The following GALNT18 variants were observed in gnomAD, a reference collection of about 807,000 sequenced individuals.
The protein encoded by GALNT18 is polypeptide N-acetylgalactosaminyltransferase 18.
In GALNT18, 44 loss-of-function variants were observed where a neutral mutation model predicts 69.5. The ratio of observed to expected loss-of-function variants is 0.63; its 90% CI spans 0.50 to 0.81. The LOEUF is 0.81. Among genes scored for constraint, GALNT18 ranks in the 40% least tolerant of loss-of-function variants. The pLI is 0.00. For synonymous variants in GALNT18, 364 were observed against 318.2 expected (o/e 1.14, Z -1.53); for missense variants, 715 against 810.0 (o/e 0.88, Z 1.42).
intron 1 of GALNT18, among the ~76,000 whole-genome samples, chr11:11,508,691 A>G (rs1032145237): frequency 2.0e-5 from 3 of 152,158 alleles, no homozygotes; most frequent in African/African-American, 7.2e-5. Flanking sequence ...TGCAAATCCC[A>G]TTTGGCACTG....
chr11:11,365,012 T>C (rs1413519347), intron 6 of GALNT18, among the ~76,000 whole-genome samples: 1 of 4,328 alleles, frequency 2.3e-4, no homozygotes, highest in African/African-American at 4.2e-4. Flanking sequence ...TTTCTCTTTT[T>C]TCCTTAATTT....
At chr11:11,580,026 C>T (rs774605607) in intron 1 of GALNT18, among the ~76,000 whole-genome samples, 8 of 152,086 alleles carry the variant, frequency 5.3e-5, no homozygotes, top group African/African-American at 9.7e-5. Flanking sequence ...GGAGTCTGGA[C>T]GGTGGAAAGT....
chr11:11,579,598 C>T (rs1006315518), intron 1 of GALNT18, among the ~76,000 whole-genome samples: 1 of 152,164 alleles, frequency 6.6e-6, no homozygotes, highest in African/African-American at 2.4e-5. Flanking sequence ...CATCAGAAAC[C>T]GTGAAGATTA....
rs73417659 is a variant in GALNT18 at position 11,308,213 on chromosome 11, C to A, written c.1513-15020G>T. On this transcript the variant is annotated intron_variant, in intron 9 of 10. Coordinates refer to ENST00000227756, the MANE Select transcript of GALNT18 (RefSeq NM_198516.3). Reference sequence around the variant, plus strand: ...CCACTTCCTGGCGTGGCAGGAAGAACCTCGCCGTGTAAGCGATGGTGGAAA... The same window carrying A: ...CCACTTCCTGGCGTGGCAGGAAGAAACTCGCCGTGTAAGCGATGGTGGAAA... Among the ~76,000 whole-genome samples, 840 of 152,282 alleles carry A rather than the reference C, an allele frequency of 5.5e-3. 7 individuals carry two copies. Among genetic ancestry groups the A allele is most frequent in the African/African-American group, 0.019 (795 of 41,554 alleles).
chr11:11,350,997 A>T (rs879060356), intron 6 of GALNT18, among the ~76,000 whole-genome samples: 1 of 152,162 alleles, frequency 6.6e-6, no homozygotes, highest in East Asian at 1.9e-4. Context: ...AAGGTGACCA[A>T]AGAGGCATGG....
rs376812292 is a variant in GALNT18, at chr11:11,379,159, G to C, written c.701C>G (p.Ser234Cys). ...GGCCGCCCTCCAGCCACTGACCCTG[G>C]AGCGGATGAGGCCTTCCTGCTTGCT... is the stretch of plus-strand genomic sequence containing the variant. ...RHSKQEGLIRSRVSGWRAATA... is the reference protein window; with the variant it reads ...RHSKQEGLIRCRVSGWRAATA... The change falls in exon 4 of 11, where the codon TCC becomes TGC. Residue 234 changes from serine (S) to cysteine (C), a missense_variant. Physicochemically the swap from Ser to Cys is moderately radical, Grantham distance 112 (BLOSUM62 -1). Coordinates refer to ENST00000227756, the MANE Select transcript of GALNT18 (RefSeq NM_198516.3). 6 of 1,612,028 alleles carry C rather than the reference G, an allele frequency of 3.7e-6. No homozygotes were observed. The African/African-American group carries it at 5.3e-5, about 14-fold the overall frequency.
At position 11,376,029 on chromosome 11, in the gene GALNT18, C is replaced by A. The variant is rs546824997; in HGVS notation, c.977+1153G>T. Among the ~76,000 whole-genome samples, 11 of 152,332 alleles carry A rather than the reference C, an allele frequency of 7.2e-5. No homozygotes were observed. In the South Asian group the frequency reaches 2.3e-3, roughly 32 times the overall value. ...ACCCTAGGCCACCTTCTGGTGCCTT[C>A]TGTTTTATAACGGGCAGGACTTCGC... On this transcript the variant is annotated intron_variant, in intron 5 of 10. Transcript: ENST00000227756.
chr11:11,447,678 C>T (rs1855688915), intron 2 of GALNT18, among the ~76,000 whole-genome samples: 1 of 152,122 alleles, frequency 6.6e-6, no homozygotes, highest in African/African-American at 2.4e-5. Flanking sequence ...AGAATGAGAG[C>T]CAGCAGGGAA....
chr11:11,405,378 C>T (rs373465775), intron 3 of GALNT18, among the ~76,000 whole-genome samples: 5 of 152,236 alleles, frequency 3.3e-5, no homozygotes, highest in East Asian at 3.9e-4. Context: ...TCCACAGAGA[C>T]GAGTTAAAAT....
rs2133921155 is a variant in GALNT18 at position 11,587,636 on chromosome 11, T to G, written c.235+33723A>C. On this transcript the variant is annotated intron_variant, in intron 1 of 10. Coordinates refer to ENST00000227756, the MANE Select transcript of GALNT18 (RefSeq NM_198516.3). The surrounding 1 kb of genome is among the most constrained non-coding windows in gnomAD (Gnocchi z 4.4). ...ACATGGAATGCCCTCACCAATGCTG[T>G]TTCCAAAGTTATATCCTAGAGAAGT... Among the ~76,000 whole-genome samples, 1 of 152,302 alleles carries G rather than the reference T, an allele frequency of 6.6e-6. No homozygotes were observed. Among genetic ancestry groups the G allele is most frequent in the Admixed American group, 6.5e-5 (1 of 15,300 alleles).
intron 1 of GALNT18, among the ~76,000 whole-genome samples, chr11:11,464,761 A>C (rs902142102): frequency 2.6e-5 from 4 of 152,228 alleles, no homozygotes; most frequent in Admixed American, 6.5e-5. Flanking sequence ...GCTTGGCTTC[A>C]CTACTCACTA....
At chr11:11,322,378 A>G (rs1166298524) in intron 9 of GALNT18, among the ~76,000 whole-genome samples, 4 of 152,228 alleles carry the variant, frequency 2.6e-5, no homozygotes, top group African/African-American at 9.6e-5. Context: ...GCCAACATCT[A>G]CCATCACACA....
chr11:11,293,308 C>T (rs755750886), intron 9 of GALNT18, 115 bp from the exon 10 acceptor site: 50 of 776,620 alleles, frequency 6.4e-5, no homozygotes, highest in Non-Finnish European at 8.5e-5. Flanking sequence ...GGGAAGACCC[C>T]GGAGTCTTCA....
At chr11:11,419,110 G>T (rs981871333) in intron 3 of GALNT18, among the ~76,000 whole-genome samples, 3 of 152,156 alleles carry the variant, frequency 2.0e-5, no homozygotes, top group Non-Finnish European at 4.4e-5. Context: ...ATCTCTGCAC[G>T]CAGGCCATGC....
In GALNT18 at chr11:11,327,114, A is replaced by G. The variant is rs946987932; in HGVS notation, c.1484T>C (p.Met495Thr). ...QGPDTENVPI[M>T]YICHGMTPQN... ...AGGCGTCATCCCATGGCAGATGTACATGATGGGGACATTCTCTGTATCTGG... is the reference window on the plus strand; with the variant it reads ...AGGCGTCATCCCATGGCAGATGTACGTGATGGGGACATTCTCTGTATCTGG... Residue 495 changes from methionine (M) to threonine (T), a missense_variant, in exon 9 of 11, where the codon ATG becomes ACG. Coordinates refer to ENST00000227756, the MANE Select transcript of GALNT18 (RefSeq NM_198516.3). 6.2e-7 allele frequency: 1 copy of G among 1,613,878 alleles called. No individual in the cohort carries two copies. The highest frequency in any genetic ancestry group is 8.5e-7 in the Non-Finnish European group (1 of 1,179,744).
chr11:11,516,937 T>C (rs1212054940), intron 1 of GALNT18, among the ~76,000 whole-genome samples: 8 of 152,246 alleles, frequency 5.3e-5, no homozygotes, highest in African/African-American at 9.6e-5. Flanking sequence ...GGTGAAATCC[T>C]AACCCCCAAG....
intron 9 of GALNT18, among the ~76,000 whole-genome samples, chr11:11,311,208 A>G (rs544275736): frequency 5.3e-5 from 8 of 152,344 alleles, no homozygotes; most frequent in Non-Finnish European, 1.2e-4. Flanking sequence ...GGGACCAAAG[A>G]GCAGCAACTC....
At position 11,413,462 on chromosome 11, in the gene GALNT18, C is replaced by A. The variant is rs180918742; in HGVS notation, c.595+19159G>T. On this transcript the variant is annotated intron_variant, in intron 3 of 10. Coordinates refer to ENST00000227756, the MANE Select transcript of GALNT18 (RefSeq NM_198516.3). This position sits in a 1 kb window ranked among gnomAD's most constrained non-coding sequence, Gnocchi z 4.7. ...CATCCTACGGACGATTCCTTATTCA[C>A]GTTCATTCTTCTCCAGCTCCCTCAG... is the stretch of plus-strand genomic sequence containing the variant. Among the ~76,000 whole-genome samples the A allele has an allele frequency of 6.6e-6, 1 of 152,184 alleles. No individual in the cohort carries two copies. The highest frequency in any genetic ancestry group is 1.5e-5 in the Non-Finnish European group (1 of 68,036).
chr11:11,469,024 G>A lies in GALNT18; in HGVS notation c.236-20088C>T, dbSNP rs1856216262. On this transcript the variant is annotated intron_variant, in intron 1 of 10. Transcript: ENST00000227756. This position sits in a 1 kb window ranked among gnomAD's most constrained non-coding sequence, Gnocchi z 4.2. ...ACAGATGGCCATACAGCGGTTGCCAGGGTTTGGTAGGGACAGTGTGTTGGG... is the reference window on the plus strand; with the variant it reads ...ACAGATGGCCATACAGCGGTTGCCAAGGTTTGGTAGGGACAGTGTGTTGGG... 6.6e-6 allele frequency among the ~76,000 whole-genome samples: 1 copy of A among 152,212 alleles called. No homozygotes were observed. Among genetic ancestry groups the A allele is most frequent in the Non-Finnish European group, 1.5e-5 (1 of 68,040 alleles).
Sources: allele counts gnomAD v4.1 joint callset (sites outside exome capture counted in the v4.1 genomes callset), GRCh38; gene constraint gnomAD v4.1.1; non-coding constraint Gnocchi (gnomAD v3.1); transcripts MANE v1.5; gene names NCBI Gene and HGNC (gene_info 2026-07-23, HGNC 2026-07-21).